The following GALNTL6 variants were observed in gnomAD, a reference collection of about 807,000 sequenced individuals.
GALNTL6 encodes polypeptide N-acetylgalactosaminyltransferase-like 6.
Under a neutral mutation model 73.7 loss-of-function variants are expected in GALNTL6, and 46 were observed. That is an observed-to-expected ratio of 0.62 (90% CI 0.49 to 0.80). GALNTL6 has a LOEUF of 0.80. Among genes scored for constraint, GALNTL6 ranks in the 30% least tolerant of loss-of-function variants. The probability of loss-of-function intolerance (pLI) is 0.00; values close to 1 mark genes in which losing one functional copy is unlikely to be tolerated. For synonymous variants in GALNTL6, 259 were observed against 263.7 expected (o/e 0.98, Z 0.17); for missense variants, 604 against 755.0 (o/e 0.80, Z 2.34).
chr4:172,423,171 G>A (rs758753245), intron 5 of GALNTL6, among the ~76,000 whole-genome samples: 2 of 151,560 alleles, frequency 1.3e-5, no homozygotes, highest in African/African-American at 2.4e-5. Flanking sequence ...CTCTGACCTG[G>A]GTTATGCAAT....
intron 11 of GALNTL6, among the ~76,000 whole-genome samples, chr4:173,010,331 A>G (rs753010456): frequency 6.6e-6 from 1 of 152,204 alleles, no homozygotes; most frequent in Non-Finnish European, 1.5e-5. Context: ...TGTTGTTGCA[A>G]ATGACAGGAT....
intron 2 of GALNTL6, among the ~76,000 whole-genome samples, chr4:171,948,402 T>G (rs1738767757): frequency 6.6e-6 from 1 of 152,218 alleles, no homozygotes; most frequent in Non-Finnish European, 1.5e-5. Flanking sequence ...TGGCCCTGGG[T>G]GTAAATGTAT....
intron 5 of GALNTL6, among the ~76,000 whole-genome samples, chr4:172,569,712 G>C (rs888437576): frequency 4.6e-5 from 7 of 152,206 alleles, no homozygotes; most frequent in Admixed American, 1.3e-4. Context: ...ATGCAGCTCA[G>C]TGTGAGCATG....
chr4:172,558,377 T>C (rs1736222852), intron 5 of GALNTL6, among the ~76,000 whole-genome samples: 1 of 152,196 alleles, frequency 6.6e-6, no homozygotes, highest in African/African-American at 2.4e-5. Context: ...TGTGACTATA[T>C]TTGGAGACAG....
chr4:172,625,863 A>G (rs975807133), intron 5 of GALNTL6, among the ~76,000 whole-genome samples: 1 of 151,662 alleles, frequency 6.6e-6, no homozygotes, highest in African/African-American at 2.4e-5. Flanking sequence ...CTACCTTTTA[A>G]TGGGATTTTT....
At chr4:172,094,259 T>C (rs531292937) in intron 2 of GALNTL6, among the ~76,000 whole-genome samples, 1 of 152,328 alleles carries the variant, frequency 6.6e-6, no homozygotes, top group Non-Finnish European at 1.5e-5. Flanking sequence ...TGGAAATGAC[T>C]CAGACATTTC....
intron 2 of GALNTL6, among the ~76,000 whole-genome samples, chr4:172,182,553 C>CAAAAAAAAAA (rs34354883): frequency 7.8e-6 from 1 of 127,458 alleles, no homozygotes; most frequent in Non-Finnish European, 1.7e-5. Context: ...TGAAAAATAC[C>CAAAAAAAAAA]AAAAAAAAAA....
In GALNTL6 at chr4:172,250,495, C is replaced by T. The variant is rs1266163743; in HGVS notation, c.247+20731C>T. Among the ~76,000 whole-genome samples the T allele has an allele frequency of 1.3e-5, 2 of 152,020 alleles. 1 individual carries two copies. The highest frequency in any genetic ancestry group is 2.9e-5 in the Non-Finnish European group (2 of 68,002). On this transcript the variant is annotated intron_variant, in intron 3 of 12. Coordinates refer to ENST00000506823, the MANE Select transcript of GALNTL6 (RefSeq NM_001034845.3). ...AGCATAATGATATGGTTTTGCTGTG[C>T]TCCCACCCAAATCTCATCTTGAATT...
At position 172,997,553 on chromosome 4, in the gene GALNTL6, T is replaced by C. The variant is rs140770566; in HGVS notation, c.1372-11625T>C. ...TAGCTTATTTATATGAATTTCTCTC[T>C]GTGTCTATTTGTGAAAATCAACTTG... On this transcript the variant is annotated intron_variant, in intron 10 of 12. Transcript: ENST00000506823. Among the ~76,000 whole-genome samples, 695 of 152,314 alleles carry C rather than the reference T, an allele frequency of 4.6e-3. 5 individuals carry two copies. Among genetic ancestry groups the C allele is most frequent in the Admixed American group, 7.0e-3 (107 of 15,298 alleles).
chr4:172,655,638 G>A (rs537806461), intron 5 of GALNTL6, among the ~76,000 whole-genome samples: 3 of 152,218 alleles, frequency 2.0e-5, no homozygotes, highest in Admixed American at 6.5e-5. Flanking sequence ...ATAAAAAGAC[G>A]TGACCTCAAG....
intron 3 of GALNTL6, among the ~76,000 whole-genome samples, chr4:172,259,721 T>C (rs1464516056): frequency 6.6e-6 from 1 of 151,672 alleles, no homozygotes; most frequent in East Asian, 1.9e-4. Context: ...TGTTATCATT[T>C]AGAATGTTTA....
intron 7 of GALNTL6, among the ~76,000 whole-genome samples, chr4:172,817,421 CAA>C (rs202066900): frequency 7.1e-6 from 1 of 140,294 alleles, no homozygotes. Context: ...GACCCTATTG[CAA>C]AAAAAAAAAG....
At chr4:172,205,161 C>T (rs1736066556) in intron 2 of GALNTL6, among the ~76,000 whole-genome samples, 1 of 152,176 alleles carries the variant, frequency 6.6e-6, no homozygotes, top group African/African-American at 2.4e-5. Context: ...ACATTATATT[C>T]ATCTTTGCGC....
intron 2 of GALNTL6, among the ~76,000 whole-genome samples, chr4:172,132,252 T>G (rs2111020458): frequency 6.6e-6 from 1 of 152,290 alleles, no homozygotes; most frequent in Middle Eastern, 3.4e-3. Flanking sequence ...TTTCCTTGAC[T>G]GTGATTAAAT....
At chr4:172,365,914 C>CA (rs983259907) in intron 5 of GALNTL6, among the ~76,000 whole-genome samples, 71 of 146,888 alleles carry the variant, frequency 4.8e-4, no homozygotes, top group East Asian at 1.8e-3. Flanking sequence ...CAGACCCTGT[C>CA]AAAAAAAAAA....
At chr4:171,919,399 C>G (rs1737717184) in intron 2 of GALNTL6, among the ~76,000 whole-genome samples, 1 of 152,066 alleles carries the variant, frequency 6.6e-6, no homozygotes, top group Non-Finnish European at 1.5e-5. Context: ...CAAATGATCT[C>G]AACTTTCATT....
intron 5 of GALNTL6, among the ~76,000 whole-genome samples, chr4:172,752,345 A>G (rs1737474001): frequency 6.6e-6 from 1 of 152,158 alleles, no homozygotes; most frequent in Non-Finnish European, 1.5e-5. Flanking sequence ...TATTCAGCAC[A>G]CCCAAACAAT....
intron 2 of GALNTL6, among the ~76,000 whole-genome samples, chr4:171,951,162 A>C (rs1296388672): frequency 2.0e-5 from 3 of 152,088 alleles, no homozygotes; most frequent in Non-Finnish European, 4.4e-5. Flanking sequence ...AGAAATAGAA[A>C]GGTTGAAAGA....
At chr4:172,372,531 C>T (rs985254579) in intron 5 of GALNTL6, among the ~76,000 whole-genome samples, 5 of 152,220 alleles carry the variant, frequency 3.3e-5, no homozygotes, top group Non-Finnish European at 7.3e-5. Context: ...CCTTTTGCTA[C>T]TACATCAATT....
Sources: allele counts gnomAD v4.1 joint callset (sites outside exome capture counted in the v4.1 genomes callset), GRCh38; gene constraint gnomAD v4.1.1; transcripts MANE v1.5; gene names NCBI Gene and HGNC (gene_info 2026-07-23, HGNC 2026-07-21).